Variants in FNDC3B observed in about 807,000 individuals in gnomAD.
FNDC3B encodes fibronectin type III domain-containing protein 3B.
FNDC3B carries 12 observed loss-of-function variants against 151.5 expected under a neutral mutation model. That is an observed-to-expected ratio of 0.08 (90% confidence interval 0.05 to 0.13). The LOEUF is 0.13. Ranked by LOEUF, FNDC3B falls within the 10% of genes least tolerant of loss-of-function variation. The pLI is 1.00. For synonymous variants in FNDC3B, 528 were observed against 549.0 expected (o/e 0.96, Z 0.54); for missense variants, 1,214 against 1,505.3 (o/e 0.81, Z 3.20).
chr3:172,286,152 CAT>C (rs1050761851), intron 7 of FNDC3B, among the ~76,000 whole-genome samples, 168 bp downstream of exon 7: 9 of 152,042 alleles, frequency 5.9e-5, no homozygotes, highest in African/African-American at 1.4e-4. Context: ...GACCATGAGA[CAT>C]AGAACAGTAG....
intron 3 of FNDC3B, among the ~76,000 whole-genome samples, chr3:172,144,146 C>T (rs981399001): frequency 3.9e-5 from 6 of 152,068 alleles, no homozygotes; most frequent in Admixed American, 3.9e-4. Flanking sequence ...GAAGGGGAGC[C>T]AGCGTGTCAC....
chr3:172,214,233 A>G (rs1428746092), intron 3 of FNDC3B, among the ~76,000 whole-genome samples: 1 of 152,140 alleles, frequency 6.6e-6, no homozygotes, highest in Admixed American at 6.6e-5. Context: ...TTCACTTACA[A>G]ACAAAAGAGT....
rs764265100 is a variant in FNDC3B at position 172,362,887 on chromosome 3, T to A, written c.3008+42T>A. On this transcript the variant is annotated intron_variant, in intron 23 of 25. Transcript: ENST00000415807. ...GATGCTCCTGAAGCTTCTGTAGCTTTGGCTTGTGGGATGAAATCTCAATTG... is the reference window on the plus strand; with the variant it reads ...GATGCTCCTGAAGCTTCTGTAGCTTAGGCTTGTGGGATGAAATCTCAATTG... The A allele has an allele frequency of 5.4e-6, 8 of 1,477,720 alleles. No homozygotes were observed. In the Admixed American group the frequency reaches 1.5e-4, roughly 27 times the overall value. The allele number at this position is 1,477,720 out of a possible 1,614,324, so 91.5% of individuals were successfully genotyped here.
chr3:172,369,572 C>T (rs1331302983), intron 23 of FNDC3B, among the ~76,000 whole-genome samples: 1 of 152,008 alleles, frequency 6.6e-6, no homozygotes, highest in Non-Finnish European at 1.5e-5. Context: ...AAATTCCACC[C>T]ATTAATGAAA....
chr3:172,063,479 C>T (rs1717320166), intron 1 of FNDC3B, among the ~76,000 whole-genome samples: 1 of 152,234 alleles, frequency 6.6e-6, no homozygotes, highest in Admixed American at 6.5e-5. Flanking sequence ...AGACTGAGGA[C>T]AGTGTCCTCC....
chr3:172,120,423 C>A, intron 2 of FNDC3B, among the ~76,000 whole-genome samples: 1 of 152,072 alleles, frequency 6.6e-6, no homozygotes, highest in South Asian at 2.1e-4. Flanking sequence ...TAGGGACTGT[C>A]CCTCTCTTGT....
At chr3:172,192,745 A>AT (rs1560010997) in intron 3 of FNDC3B, among the ~76,000 whole-genome samples, 1 of 151,882 alleles carries the variant, frequency 6.6e-6, no homozygotes, top group African/African-American at 2.4e-5. Context: ...ATATATATAT[A>AT]TTTTTTACCT....
chr3:172,097,574 A>T (rs532549496), intron 1 of FNDC3B, among the ~76,000 whole-genome samples: 137 of 152,360 alleles, frequency 9.0e-4, no homozygotes, highest in Non-Finnish European at 1.1e-3. Flanking sequence ...AGAATATTTT[A>T]AAAAATATAG....
At position 172,055,569 on chromosome 3, in the gene FNDC3B, A is replaced by G. The variant is rs185785963; in HGVS notation, c.-29+15798A>G. Among the ~76,000 whole-genome samples the G allele has an allele frequency of 9.2e-5, 14 of 152,256 alleles. No homozygotes were observed. The East Asian group carries it at 2.7e-3, about 29-fold the overall frequency. The stretch of plus-strand genomic sequence containing the variant: ...CATACTAGTTGACAAAAAAGAGAAC[A>G]GAGGATTCAAATAAATGTCTCTAAT... On this transcript the variant is annotated intron_variant, in intron 1 of 25. Transcript: ENST00000415807.
intron 3 of FNDC3B, among the ~76,000 whole-genome samples, chr3:172,179,381 A>G (rs994279393): frequency 3.9e-5 from 6 of 152,258 alleles, no homozygotes; most frequent in African/African-American, 1.2e-4. Flanking sequence ...TATAACTATT[A>G]TGCTCAAGGT....
intron 24 of FNDC3B, among the ~76,000 whole-genome samples, chr3:172,379,374 G>A (rs568945183): frequency 4.0e-4 from 61 of 152,360 alleles, no homozygotes; most frequent in African/African-American, 1.3e-3. Context: ...TTGCATATGT[G>A]TTTGACTCTC....
At position 172,333,264 on chromosome 3, in the gene FNDC3B, T is replaced by TA. The variant is rs1732772145; in HGVS notation, c.1641+95dup. The stretch of plus-strand genomic sequence containing the variant: ...ACCATGTCAGATTGACTCTACAGGT[T>TA]AAAAAATGAAGTTCACAGCACTTTA... On this transcript the variant is annotated intron_variant, in intron 14 of 25. Coordinates refer to ENST00000415807, the MANE Select transcript of FNDC3B (RefSeq NM_022763.4). The TA allele has an allele frequency of 1.3e-5, 11 of 861,402 alleles. 1 individual carries two copies. In the South Asian group the frequency reaches 1.4e-4, roughly 11 times the overall value. The allele number at this position is 861,402 out of a possible 1,614,324, so 53.4% of individuals were successfully genotyped here. A position where few individuals can be genotyped will look rare whatever the true frequency, so the allele number is the denominator to read the frequency against.
intron 1 of FNDC3B, among the ~76,000 whole-genome samples, chr3:172,050,595 A>G (rs62283778): frequency 0.093 from 14,170 of 151,566 alleles, 819 homozygotes; most frequent in East Asian, 0.2. Context: ...TGTTAGCCAG[A>G]CTGGTCTTGA....
At chr3:172,112,421 T>A in intron 1 of FNDC3B, 31 bp from the exon 2 acceptor site, 1 of 1,178,584 alleles carries the variant, frequency 8.5e-7, no homozygotes, top group Non-Finnish European at 1.3e-6. Context: ...TGGTTCTGAG[T>A]CCTTTTTAAA....
chr3:172,322,719 G>A (rs1161840557), intron 11 of FNDC3B, among the ~76,000 whole-genome samples: 1 of 151,518 alleles, frequency 6.6e-6, no homozygotes, highest in Non-Finnish European at 1.5e-5. Context: ...TCTTTTCTGA[G>A]TATTCTGGAG....
intron 4 of FNDC3B, among the ~76,000 whole-genome samples, chr3:172,235,635 T>C (rs535501670): frequency 4.6e-4 from 70 of 152,348 alleles, no homozygotes; most frequent in African/African-American, 1.7e-3. Flanking sequence ...CCTGTACAGC[T>C]ACAAGTTGAG....
chr3:172,151,592 T>A (rs1207608770), intron 3 of FNDC3B, among the ~76,000 whole-genome samples: 3 of 152,194 alleles, frequency 2.0e-5, no homozygotes, highest in Non-Finnish European at 2.9e-5. Flanking sequence ...CAAGAAGTAT[T>A]TGAGATTTGG....
chr3:172,278,912 G>A (rs1486071620), intron 6 of FNDC3B, among the ~76,000 whole-genome samples: 6 of 152,132 alleles, frequency 3.9e-5, no homozygotes, highest in African/African-American at 1.4e-4. Context: ...GGGCAACAGA[G>A]TGAGACTCTG....
At chr3:172,344,367 A>C (rs942334032) in intron 19 of FNDC3B, 109 bp downstream of exon 19, 1 of 873,670 alleles carries the variant, frequency 1.1e-6, no homozygotes, top group Non-Finnish European at 1.7e-6. Flanking sequence ...TCTTGATGCA[A>C]CCTTGACAAC....
Sources: allele counts gnomAD v4.1 joint callset (sites outside exome capture counted in the v4.1 genomes callset), GRCh38; gene constraint gnomAD v4.1.1; transcripts MANE v1.5; gene names NCBI Gene and HGNC (gene_info 2026-07-23, HGNC 2026-07-21).